The following ITGA4 variants were observed in gnomAD, a reference collection of about 807,000 sequenced individuals.
ITGA4 encodes the protein integrin subunit alpha 4, also known as integrin alpha-4.
Under a neutral mutation model 133.6 loss-of-function variants are expected in ITGA4, and 63 were observed. The ratio of observed to expected loss-of-function variants is 0.47; its 90% CI spans 0.38 to 0.58. The LOEUF (loss-of-function observed/expected upper bound fraction) is 0.58. Ranked by LOEUF, ITGA4 falls within the 20% of genes least tolerant of loss-of-function variation. The pLI is 0.00. For synonymous variants in ITGA4, 483 were observed against 438.0 expected (o/e 1.10, Z -1.28); for missense variants, 1,076 against 1,252.7 (o/e 0.86, Z 2.13).
chr2:181,516,020 AG>A lies in ITGA4; in HGVS notation c.1922+4247del, dbSNP rs1164328580. 6.8e-6 allele frequency among the ~76,000 whole-genome samples: 1 copy of A among 146,016 alleles called. No homozygotes were observed. Among genetic ancestry groups the A allele is most frequent in the Non-Finnish European group, 1.5e-5 (1 of 65,890 alleles). On this transcript the variant is annotated intron_variant, in intron 17 of 27. Coordinates refer to ENST00000397033, the MANE Select transcript of ITGA4 (RefSeq NM_000885.6). The surrounding 1 kb of genome is among the most constrained non-coding windows in gnomAD (Gnocchi z 4.0). ...CCACTCTCTCTCATCTCTTAAGTTG[AG>A]GCTTCCTCCTGTATGTCTAAATGCT...
At chr2:181,460,429 C>G (rs572741736) in intron 2 of ITGA4, among the ~76,000 whole-genome samples, 96 of 152,156 alleles carry the variant, frequency 6.3e-4, no homozygotes, top group African/African-American at 2.1e-3. Flanking sequence ...AGGCTACAGT[C>G]TAGAAATAAA....
Position 181,537,207 on chromosome 2 carries a change from T to G in ITGA4, c.*1680T>G. ...TCATAGATGAAAAATCAAGCCCCGA[T>G]TTAGAACTGTCTTCTCCAGGATGGT... On this transcript the variant is annotated 3_prime_UTR_variant, in exon 28 of 28. Coordinates refer to ENST00000397033, the MANE Select transcript of ITGA4 (RefSeq NM_000885.6). 2.2e-6 allele frequency: 1 copy of G among 453,120 alleles called. No homozygotes were observed. Among genetic ancestry groups the G allele is most frequent in the South Asian group, 1.6e-5 (1 of 64,464 alleles). The allele number at this position is 453,120 out of a possible 1,614,324, so 28.1% of individuals were successfully genotyped here.
At chr2:181,485,185 C>A (rs1211642721) in intron 9 of ITGA4, among the ~76,000 whole-genome samples, 1 of 152,126 alleles carries the variant, frequency 6.6e-6, no homozygotes, top group Non-Finnish European at 1.5e-5. Context: ...GTATTATTCC[C>A]TAAATTAAGA....
intron 23 of ITGA4, 133 bp from the exon 24 acceptor site, chr2:181,530,391 A>G (rs1483140136): frequency 1.3e-6 from 1 of 796,456 alleles, no homozygotes; most frequent in Non-Finnish European, 1.9e-6. Context: ...CTGTCAAAAA[A>G]ATTTCTACAA....
At chr2:181,480,397 A>T in intron 6 of ITGA4, 131 bp downstream of exon 6, 2 of 447,116 alleles carry the variant, frequency 4.5e-6, no homozygotes, top group Non-Finnish European at 7.8e-6. Context: ...TAGGCAGTTC[A>T]GAAACTGTCT....
At chr2:181,476,787 A>T (rs557261405) in intron 4 of ITGA4, among the ~76,000 whole-genome samples, 25 of 152,314 alleles carry the variant, frequency 1.6e-4, no homozygotes, top group South Asian at 4.1e-4. Context: ...CTACACAGGC[A>T]TAAAAAATAA....
intron 10 of ITGA4, among the ~76,000 whole-genome samples, chr2:181,491,755 TCTC>T (rs1265250635): frequency 3.3e-5 from 5 of 152,076 alleles, no homozygotes; most frequent in East Asian, 3.8e-4. Context: ...ACATCCCTCT[TCTC>T]CTCCTCCTCC....
At position 181,529,590 on chromosome 2, in the gene ITGA4, T is replaced by C. The variant is rs532185432; in HGVS notation, c.2480T>C (p.Met827Thr). 7 of 1,611,468 alleles carry C rather than the reference T, an allele frequency of 4.3e-6. No individual in the cohort carries two copies. In the Admixed American group the frequency reaches 6.7e-5, roughly 15 times the overall value. ...SMAPNVSVEIMVPNSFSPQTD... is the reference protein window; with the variant it reads ...SMAPNVSVEITVPNSFSPQTD... ...GCTCCCAATGTTAGTGTGGAAATAA[T>C]GGTACCAAATTCTTTTAGCCCCCAA... The change falls in exon 23 of 28, where the codon ATG becomes ACG. Residue 827 changes from methionine (M) to threonine (T), a missense_variant. This residue lies in a region of ITGA4 where 365 missense variants were observed against 421.4 expected (regional missense o/e 0.87). Transcript: ENST00000397033.
At chr2:181,533,857 A>C (rs949372058) in intron 25 of ITGA4, among the ~76,000 whole-genome samples, 5 of 152,252 alleles carry the variant, frequency 3.3e-5, no homozygotes, top group South Asian at 2.1e-4. Context: ...CTGCGTTATA[A>C]AATCCTTGCT....
intron 10 of ITGA4, among the ~76,000 whole-genome samples, chr2:181,490,484 CGTGTGTGTGTGTGTGTGTGTGTGT>C (rs35723610): frequency 7.3e-6 from 1 of 137,742 alleles, no homozygotes; most frequent in Non-Finnish European, 1.6e-5. Context: ...GAATAGTATT[CGTGTGTGTGTGTGTGTGTGTGTGT>C]GTGTGTGTGT....
In ITGA4 at chr2:181,475,236, G is replaced by T; in HGVS notation, c.504G>T (p.Val168=). 1.2e-6 allele frequency: 2 copies of T among 1,612,520 alleles called. No individual in the cohort carries two copies. Among genetic ancestry groups the T allele is most frequent in the Non-Finnish European group, 1.7e-6 (2 of 1,178,568 alleles). The change falls in exon 4 of 28, where the codon GTG becomes GTT. Residue 168 remains valine (V), a synonymous_variant. Coordinates refer to ENST00000397033, the MANE Select transcript of ITGA4 (RefSeq NM_000885.6). ...TCCCCACTGGTGGTTGCTATGGAGT[G>T]CCCCCTGATTTACGAACAGAACTGA... ...NKLPTGGCYG[V]PPDLRTELSK...
At chr2:181,458,624 C>T in intron 2 of ITGA4, 3 of 345,976 alleles carry the variant, frequency 8.7e-6, no homozygotes, top group Admixed American at 3.8e-5. Flanking sequence ...ATTTTAGACT[C>T]TCTCAGCGTA....
At chr2:181,526,755 T>A (rs1686836268) in intron 21 of ITGA4, among the ~76,000 whole-genome samples, 1 of 143,416 alleles carries the variant, frequency 7.0e-6, no homozygotes, top group Admixed American at 7.5e-5. Context: ...AGGTGTAGTG[T>A]CATGGAAAGC....
At chr2:181,504,580 A>G (rs570511687) in intron 15 of ITGA4, among the ~76,000 whole-genome samples, 2 of 152,220 alleles carry the variant, frequency 1.3e-5, no homozygotes, top group South Asian at 4.1e-4. Context: ...TGAGCAAACT[A>G]TATCACTGTA....
intron 17 of ITGA4, among the ~76,000 whole-genome samples, chr2:181,518,213 A>T (rs2105762161): frequency 6.6e-6 from 1 of 152,104 alleles, no homozygotes; most frequent in South Asian, 2.1e-4. Context: ...GCACACTGTC[A>T]CTCAGACTCC....
At chr2:181,508,720 A>T (rs933308068) in intron 15 of ITGA4, among the ~76,000 whole-genome samples, 7 of 151,992 alleles carry the variant, frequency 4.6e-5, no homozygotes, top group Non-Finnish European at 1.0e-4. Context: ...TAAATAAATA[A>T]ATAAAAACTT....
At chr2:181,457,976 A>G (rs545860363) in intron 1 of ITGA4, 125 bp downstream of exon 1, 1 of 1,145,180 alleles carries the variant, frequency 8.7e-7, no homozygotes, top group African/African-American at 1.6e-5. Context: ...ACGCTGCGAG[A>G]GCCAGCTCGC....
chr2:181,506,550 TA>T (rs1686397036), intron 15 of ITGA4, among the ~76,000 whole-genome samples: 1 of 152,064 alleles, frequency 6.6e-6, no homozygotes, highest in Non-Finnish European at 1.5e-5. Context: ...CATAAATTGA[TA>T]ATGTTGTAAA....
intron 17 of ITGA4, among the ~76,000 whole-genome samples, chr2:181,519,603 A>G (rs1223004134): frequency 1.3e-5 from 2 of 152,132 alleles, no homozygotes; most frequent in East Asian, 3.9e-4. Flanking sequence ...ATAACTCTCA[A>G]AAACCGTACC....
Sources: allele counts gnomAD v4.1 joint callset (sites outside exome capture counted in the v4.1 genomes callset), GRCh38; gene constraint gnomAD v4.1.1; regional missense constraint gnomAD v4.1.1; non-coding constraint Gnocchi (gnomAD v3.1); transcripts MANE v1.5; gene names NCBI Gene and HGNC (gene_info 2026-07-23, HGNC 2026-07-21).